EVC2: variants seen among roughly 807,000 people sequenced by gnomAD.
EVC2 encodes limbin.
In EVC2, 148 loss-of-function variants were observed where a neutral mutation model predicts 149.3. The ratio of observed to expected loss-of-function variants is 0.99; its 90% CI spans 0.87 to 1.14. The LOEUF (loss-of-function observed/expected upper bound fraction) is 1.14. Among genes scored for constraint, EVC2 ranks in the 50% most tolerant of loss-of-function variants. The pLI is 0.00. For missense variants in EVC2, 1,854 were observed against 1,627.3 expected (o/e 1.14, Z -2.40); for synonymous variants, 776 against 649.9 (o/e 1.19, Z -2.95).
At chr4:5,595,370 T>C (rs1355345911) in intron 16 of EVC2, among the ~76,000 whole-genome samples, 1 of 152,230 alleles carries the variant, frequency 6.6e-6, no homozygotes, top group East Asian at 1.9e-4. Context: ...AGCTGATCGC[T>C]AGGCAGAAAC....
chr4:5,625,608 A>G lies in EVC2; in HGVS notation c.2046+141T>C. 9.3e-7 allele frequency: 1 copy of G among 1,078,142 alleles called. No homozygotes were observed. Among genetic ancestry groups the G allele is most frequent in the Non-Finnish European group, 1.4e-6 (1 of 739,214 alleles). 66.8% of individuals were successfully genotyped at this position (1,078,142 alleles called of 1,614,324 possible). A position where few individuals can be genotyped will look rare whatever the true frequency, so the allele number is the denominator to read the frequency against. On this transcript the variant is annotated intron_variant, in intron 13 of 21. Transcript: ENST00000344408. The surrounding 1 kb of genome is among the most constrained non-coding windows in gnomAD (Gnocchi z 4.0). ...TTCCAAAAAGTCGCTACCAATCAAC[A>G]GTAGATGGCACATCATGGTGCCTGC...
chr4:5,574,796 TAAGTTC>T (rs781014758), intron 18 of EVC2, 24 bp from the exon 19 acceptor site: 2 of 1,609,642 alleles, frequency 1.2e-6, no homozygotes, highest in Admixed American at 3.3e-5. Context: ...AAAATATACG[TAAGTTC>T]AGTTTTGTTA....
At chr4:5,700,067 G>C (rs1442005293) in intron 1 of EVC2, among the ~76,000 whole-genome samples, 1 of 152,174 alleles carries the variant, frequency 6.6e-6, no homozygotes, top group East Asian at 1.9e-4. Context: ...TTGAACCCAG[G>C]AGGCAGAGGT....
At chr4:5,584,461 A>C (rs1450036289) in intron 17 of EVC2, among the ~76,000 whole-genome samples, 162 bp downstream of exon 17, 1 of 152,180 alleles carries the variant, frequency 6.6e-6, no homozygotes, top group African/African-American at 2.4e-5. Flanking sequence ...TGGTTGAGAG[A>C]GTGCCAAGTA....
intron 16 of EVC2, among the ~76,000 whole-genome samples, chr4:5,592,261 G>C (rs940507321): frequency 6.6e-6 from 1 of 152,202 alleles, no homozygotes. Flanking sequence ...CTTCCTACAG[G>C]AATGCTGGCT....
intron 6 of EVC2, among the ~76,000 whole-genome samples, chr4:5,681,744 G>A (rs898070940): frequency 9.2e-5 from 14 of 152,180 alleles, no homozygotes; most frequent in East Asian, 1.9e-4. Context: ...GCCCCAACCC[G>A]CTGTGGGTCT....
rs962690068 is a variant in EVC2, at chr4:5,633,035, A to G, written c.1471-1003T>C. Among the ~76,000 whole-genome samples, 1 of 152,214 alleles carries G rather than the reference A, an allele frequency of 6.6e-6. No individual in the cohort carries two copies. The highest frequency in any genetic ancestry group is 1.5e-5 in the Non-Finnish European group (1 of 68,032). ...AAGGTCACTAATCAGTTGACTTTGA[A>G]TTAATCAAAAGGAAGACTCTCCTGG... is the stretch of plus-strand genomic sequence containing the variant. On this transcript the variant is annotated intron_variant, in intron 10 of 21. Coordinates refer to ENST00000344408, the MANE Select transcript of EVC2 (RefSeq NM_147127.5). The surrounding 1 kb of genome is among the most constrained non-coding windows in gnomAD (Gnocchi z 4.4).
chr4:5,586,397 A>C (rs974105937), intron 16 of EVC2, among the ~76,000 whole-genome samples: 2 of 152,150 alleles, frequency 1.3e-5, no homozygotes, highest in Admixed American at 6.5e-5. Context: ...ACCAAAAATA[A>C]AATTCTAAGC....
intron 7 of EVC2, among the ~76,000 whole-genome samples, chr4:5,676,759 T>C (rs1211839440): frequency 6.6e-6 from 1 of 152,194 alleles, no homozygotes; most frequent in East Asian, 1.9e-4. Context: ...GAGTTCTCTC[T>C]CTCTCTGCTG....
At chr4:5,662,537 T>C (rs1472212867) in intron 9 of EVC2, among the ~76,000 whole-genome samples, 1 of 143,556 alleles carries the variant, frequency 7.0e-6, no homozygotes. Context: ...ATATATTAAA[T>C]ATAATATTAA....
chr4:5,599,464 C>T (rs564265167), intron 16 of EVC2, among the ~76,000 whole-genome samples: 272 of 152,078 alleles, frequency 1.8e-3, no homozygotes, highest in African/African-American at 6.1e-3. Context: ...AGTAAACTAT[C>T]GCAAGAACAA....
Position 5,618,540 on chromosome 4 carries a change from T to C in EVC2, c.2644A>G (p.Thr882Ala), listed in dbSNP as rs190540235. The C allele has an allele frequency of 5.4e-5, 87 of 1,614,120 alleles. 2 individuals carry two copies. In the South Asian group the frequency reaches 5.9e-4, roughly 11 times the overall value. ...RARVLLQQFQ[T>A]AWREAEFVKL... Reference sequence around the variant, plus strand: ...ACGAACTCTGCTTCTCGCCACGCAGTCTGAAATTGCTGCAGCAGAACTCGG... The same window carrying C: ...ACGAACTCTGCTTCTCGCCACGCAGCCTGAAATTGCTGCAGCAGAACTCGG... The change falls in exon 15 of 22, where the codon ACT (threonine) becomes GCT (alanine). Residue 882 changes from threonine (T) to alanine (A), a missense_variant. By Grantham distance (58) the Thr-to-Ala change is moderately conservative. Coordinates refer to ENST00000344408, the MANE Select transcript of EVC2 (RefSeq NM_147127.5). This position sits in a 1 kb window ranked among gnomAD's most constrained non-coding sequence, Gnocchi z 4.4.
At chr4:5,706,449 C>CATATAG (rs1560243887) in intron 1 of EVC2, among the ~76,000 whole-genome samples, 1 of 35,980 alleles carries the variant, frequency 2.8e-5, no homozygotes, top group African/African-American at 1.4e-4. Flanking sequence ...TAGATAGATA[C>CATATAG]ATACATACAT....
intron 1 of EVC2, among the ~76,000 whole-genome samples, chr4:5,702,365 C>G (rs1721879645): frequency 6.6e-6 from 1 of 152,170 alleles, no homozygotes; most frequent in Non-Finnish European, 1.5e-5. Flanking sequence ...TCCTCAAGAG[C>G]AGGGGCAGGT....
At chr4:5,535,089 G>A in the EVC2 span, among the ~76,000 whole-genome samples, 1 of 152,078 alleles carries the variant, frequency 6.6e-6, no homozygotes, top group Admixed American at 6.5e-5. This position sits in a 1 kb window ranked among gnomAD's most constrained non-coding sequence, Gnocchi z 4.7. Flanking sequence ...GCCACCCCCA[G>A]ACTCCTCAAA....
In EVC2 at chr4:5,691,261, T is replaced by G; in HGVS notation, c.519+4A>C. ...TCAAATATACACCACCAGTGGAAACTTACCAGTGCACATTTCTGAAAAATT... is the reference window on the plus strand; with the variant it reads ...TCAAATATACACCACCAGTGGAAACGTACCAGTGCACATTTCTGAAAAATT... On this transcript the variant is annotated splice_donor_region_variant and intron_variant, in intron 4 of 21. Transcript: ENST00000344408. 6.2e-7 allele frequency: 1 copy of G among 1,612,886 alleles called. No individual in the cohort carries two copies. The highest frequency in any genetic ancestry group is 8.5e-7 in the Non-Finnish European group (1 of 1,178,974).
intron 9 of EVC2, among the ~76,000 whole-genome samples, chr4:5,651,046 G>A (rs367772957): frequency 6.2e-4 from 95 of 152,226 alleles, no homozygotes; most frequent in African/African-American, 2.0e-3. Flanking sequence ...GTGGATGGCT[G>A]CATGGGTGAA....
At chr4:5,706,150 GACCTTC>G (rs1258961947) in intron 1 of EVC2, among the ~76,000 whole-genome samples, 1 of 151,748 alleles carries the variant, frequency 6.6e-6, no homozygotes, top group African/African-American at 2.4e-5. Context: ...AGTCTTGACT[GACCTTC>G]CAGACTAAAT....
At position 5,620,125 on chromosome 4, in the gene EVC2, C is replaced by G. The variant is rs933640325; in HGVS notation, c.2502-1443G>C. Among the ~76,000 whole-genome samples the G allele has an allele frequency of 2.6e-5, 4 of 152,304 alleles. No homozygotes were observed. The South Asian group carries it at 8.3e-4, about 32-fold the overall frequency. On this transcript the variant is annotated intron_variant, in intron 14 of 21. Transcript: ENST00000344408. The stretch of plus-strand genomic sequence containing the variant: ...GGCCTGACCCCCAGGTCATGTGACA[C>G]CCGTCTTGGGTTCCTCACTTCATGG...
Sources: allele counts gnomAD v4.1 joint callset (sites outside exome capture counted in the v4.1 genomes callset), GRCh38; gene constraint gnomAD v4.1.1; non-coding constraint Gnocchi (gnomAD v3.1); transcripts MANE v1.5; gene names NCBI Gene and HGNC (gene_info 2026-07-23, HGNC 2026-07-21).